Variants in JAKMIP1 observed in about 807,000 individuals in gnomAD.
JAKMIP1 encodes the protein janus kinase and microtubule-interacting protein 1.
In JAKMIP1, 33 loss-of-function variants were observed where a neutral mutation model predicts 113.0. That is an observed-to-expected ratio of 0.29 (90% CI 0.22 to 0.39). The LOEUF (loss-of-function observed/expected upper bound fraction) is 0.39. JAKMIP1 is among the 10% of genes least tolerant of loss of function. The pLI is 1.00. For synonymous variants in JAKMIP1, 480 were observed against 459.9 expected (o/e 1.04, Z -0.56); for missense variants, 813 against 1,080.5 (o/e 0.75, Z 3.47).
chr4:6,130,775 A>G (rs1288752364), intron 1 of JAKMIP1, among the ~76,000 whole-genome samples: 2 of 152,182 alleles, frequency 1.3e-5, no homozygotes, highest in Non-Finnish European at 2.9e-5. Flanking sequence ...TAGACCGAAC[A>G]CAGCTGAAGG....
chr4:6,118,553 C>T (rs949740783), intron 1 of JAKMIP1, among the ~76,000 whole-genome samples: 1 of 152,156 alleles, frequency 6.6e-6, no homozygotes, highest in Non-Finnish European at 1.5e-5. Context: ...AGGCTCTTGG[C>T]CTGACCCCAC....
At position 6,188,809 on chromosome 4, in the gene JAKMIP1, A is replaced by G. The variant is rs1394938198; in HGVS notation, c.-148+11444T>C. On this transcript the variant is annotated intron_variant, in intron 1 of 20. Transcript: ENST00000409021. The surrounding 1 kb of genome is among the most constrained non-coding windows in gnomAD (Gnocchi z 5.8). ...CTCTGCAATACACAGGCTCTCACAG[A>G]CTTGGTTCATCCTGGGTGCCTATGG... 1.3e-5 allele frequency among the ~76,000 whole-genome samples: 2 copies of G among 152,176 alleles called. No individual in the cohort carries two copies. The highest frequency in any genetic ancestry group is 2.9e-5 in the Non-Finnish European group (2 of 68,034).
At position 6,059,411 on chromosome 4, in the gene JAKMIP1, C is replaced by A. The variant is rs1246898843; in HGVS notation, c.1644+1013G>T. Reference sequence around the variant, plus strand: ...CTGTTAAGCCGCCTGGAACCTCTTACACCCCTTGCTTCACACCCGCCTCCT... The same window carrying A: ...CTGTTAAGCCGCCTGGAACCTCTTAAACCCCTTGCTTCACACCCGCCTCCT... On this transcript the variant is annotated intron_variant, in intron 11 of 20. Coordinates refer to ENST00000409021, the MANE Select transcript of JAKMIP1 (RefSeq NM_001099433.2). This position sits in a 1 kb window ranked among gnomAD's most constrained non-coding sequence, Gnocchi z 4.8. 6.6e-6 allele frequency among the ~76,000 whole-genome samples: 1 copy of A among 152,138 alleles called. No individual in the cohort carries two copies. The highest frequency in any genetic ancestry group is 1.5e-5 in the Non-Finnish European group (1 of 68,012).
chr4:6,050,543 T>TG lies in JAKMIP1; in HGVS notation c.1908+34dup. ...GCCGGGCACTGAGCGAGCCCTTGGC[T>TG]GGCATTCAGCAGAGGCACCCCCCAG... On this transcript the variant is annotated intron_variant, in intron 14 of 20. Transcript: ENST00000409021. The surrounding 1 kb of genome is among the most constrained non-coding windows in gnomAD (Gnocchi z 7.4). 6.8e-7 allele frequency: 1 copy of TG among 1,476,302 alleles called. No individual in the cohort carries two copies. The highest frequency in any genetic ancestry group is 9.3e-7 in the Non-Finnish European group (1 of 1,079,208). The allele number at this position is 1,476,302 out of a possible 1,614,324, so 91.5% of individuals were successfully genotyped here.
Position 6,029,845 on chromosome 4 carries a change from A to G in JAKMIP1, c.2380-64T>C, listed in dbSNP as rs1163163161. The G allele has an allele frequency of 2.6e-6, 3 of 1,161,810 alleles. No individual in the cohort carries two copies. The African/African-American group carries it at 4.6e-5, about 18-fold the overall frequency. 72.0% of individuals were successfully genotyped at this position (1,161,810 alleles called of 1,614,324 possible). ...TTCCAGGTTTAAAAACTCTGTTTTT[A>G]TTTTTTATTGTGGTCTAGCACAGAA... On this transcript the variant is annotated intron_variant, in intron 19 of 20. Transcript: ENST00000409021.
chr4:6,030,356 G>A (rs1266719899), intron 19 of JAKMIP1, among the ~76,000 whole-genome samples: 1 of 152,096 alleles, frequency 6.6e-6, no homozygotes, highest in Non-Finnish European at 1.5e-5. Flanking sequence ...GTGACCGACA[G>A]ACCCGGTTTG....
chr4:6,068,215 C>G (rs1718448203), intron 8 of JAKMIP1, among the ~76,000 whole-genome samples: 1 of 152,178 alleles, frequency 6.6e-6, no homozygotes, highest in Admixed American at 6.5e-5. Flanking sequence ...ACTCAACTCC[C>G]AAGCCCTAAT....
intron 2 of JAKMIP1, among the ~76,000 whole-genome samples, chr4:6,111,993 C>T (rs2108888544): frequency 6.6e-6 from 1 of 152,308 alleles, no homozygotes; most frequent in East Asian, 1.9e-4. Flanking sequence ...CAAAGTTAAC[C>T]TGAAAAGCTA....
chr4:6,124,109 T>C (rs575912976), intron 1 of JAKMIP1, among the ~76,000 whole-genome samples: 1 of 152,264 alleles, frequency 6.6e-6, no homozygotes, highest in South Asian at 2.1e-4. Flanking sequence ...CTGCCACCAT[T>C]CCCGCCATGG....
chr4:6,100,848 T>G (rs1712896805), intron 3 of JAKMIP1, among the ~76,000 whole-genome samples: 1 of 152,184 alleles, frequency 6.6e-6, no homozygotes, highest in African/African-American at 2.4e-5. Context: ...TTCACATATT[T>G]GTTAGTCATT....
Position 6,167,399 on chromosome 4 carries a change from C to T in JAKMIP1, c.-148+32854G>A, listed in dbSNP as rs1482456082. On this transcript the variant is annotated intron_variant, in intron 1 of 20. Transcript: ENST00000409021. This position sits in a 1 kb window ranked among gnomAD's most constrained non-coding sequence, Gnocchi z 5.3. ...CCACCTCCTCACTCACCACCCTACC[C>T]TCAACTTCTCCTCCTCCACCCTGGG... Among the ~76,000 whole-genome samples, 1 of 152,114 alleles carries T rather than the reference C, an allele frequency of 6.6e-6. No individual in the cohort carries two copies. The highest frequency in any genetic ancestry group is 2.4e-5 in the African/African-American group (1 of 41,424).
chr4:6,042,012 A>G lies in JAKMIP1; in HGVS notation c.2097+147T>C. The G allele has an allele frequency of 1.6e-6, 1 of 642,486 alleles. No homozygotes were observed. The highest frequency in any genetic ancestry group is 2.8e-6 in the Non-Finnish European group (1 of 359,798). The allele number at this position is 642,486 out of a possible 1,614,324, so 39.8% of individuals were successfully genotyped here. The stretch of plus-strand genomic sequence containing the variant: ...GTGAAAGAGTAAGTAAATGGGTGAC[A>G]ATTACTTAGAACAACCACTGGGGCA... On this transcript the variant is annotated intron_variant, in intron 17 of 20. Transcript: ENST00000409021. This position sits in a 1 kb window ranked among gnomAD's most constrained non-coding sequence, Gnocchi z 5.2.
rs1325579954 is a variant in JAKMIP1 at position 6,078,952 on chromosome 4, A to T, written c.1289T>A (p.Leu430Gln). The T allele has an allele frequency of 1.9e-6, 3 of 1,614,206 alleles. No homozygotes were observed. Among genetic ancestry groups the T allele is most frequent in the Non-Finnish European group, 1.7e-6 (2 of 1,180,036 alleles). ...LRSKRHRGKS[L>Q]KPPKKHVVET... The stretch of plus-strand genomic sequence containing the variant: ...TCGCAGGCTCACCTTGGGCGGTTTC[A>T]GACTTTTCCCTCGATGCCTTTTGGA... Residue 430 changes from leucine to glutamine, a missense_variant, in exon 8 of 21, where the codon CTG becomes CAG. Leu to Gln is a moderately radical substitution (Grantham distance 113). Around this residue, in one of 2 missense-constraint regions of JAKMIP1, gnomAD observed 540 missense variants for 653.9 expected, o/e 0.83. Transcript: ENST00000409021.
At chr4:6,196,093 G>A (rs576120278) in intron 1 of JAKMIP1, among the ~76,000 whole-genome samples, 76 of 152,300 alleles carry the variant, frequency 5.0e-4, no homozygotes, top group African/African-American at 1.8e-3. Flanking sequence ...TCAAAGGCAG[G>A]AGGGATGCCC....
At chr4:6,144,355 G>C (rs561669491) in intron 1 of JAKMIP1, among the ~76,000 whole-genome samples, 1 of 152,184 alleles carries the variant, frequency 6.6e-6, no homozygotes, top group Admixed American at 6.5e-5. Flanking sequence ...AAAAGTAAAA[G>C]TGCAAAGAAC....
intron 5 of JAKMIP1, among the ~76,000 whole-genome samples, chr4:6,083,743 C>A (rs1720911297): frequency 6.6e-6 from 1 of 151,840 alleles, no homozygotes; most frequent in African/African-American, 2.4e-5. Flanking sequence ...TACTTCTCTT[C>A]ATAATAAAAA....
chr4:6,181,880 G>A lies in JAKMIP1; in HGVS notation c.-148+18373C>T, dbSNP rs1726065490. Among the ~76,000 whole-genome samples the A allele has an allele frequency of 6.6e-6, 1 of 152,126 alleles. No homozygotes were observed. The highest frequency in any genetic ancestry group is 2.4e-5 in the African/African-American group (1 of 41,434). ...GTGACCATGGCTGTGACAGACAGATGTACAGGGAGGGACCCGCCCTGGCCT... is the reference window on the plus strand; with the variant it reads ...GTGACCATGGCTGTGACAGACAGATATACAGGGAGGGACCCGCCCTGGCCT... On this transcript the variant is annotated intron_variant, in intron 1 of 20. Transcript: ENST00000409021. This position sits in a 1 kb window ranked among gnomAD's most constrained non-coding sequence, Gnocchi z 5.4.
Position 6,088,533 on chromosome 4 carries a change from G to A in JAKMIP1, c.625-2904C>T, listed in dbSNP as rs909129580. 6.6e-6 allele frequency among the ~76,000 whole-genome samples: 1 copy of A among 152,200 alleles called. No individual in the cohort carries two copies. The highest frequency in any genetic ancestry group is 1.5e-5 in the Non-Finnish European group (1 of 68,030). On this transcript the variant is annotated intron_variant, in intron 3 of 20. Transcript: ENST00000409021. This position sits in a 1 kb window ranked among gnomAD's most constrained non-coding sequence, Gnocchi z 5.5. ...CCCTTGTCCTAGTAAGTGAGACAGA[G>A]GGCTTCTGCCCCAGTCATCACAAGA...
Position 6,105,977 on chromosome 4 carries a change from G to C in JAKMIP1, c.130-10C>G, listed in dbSNP as rs768060965. On this transcript the variant is annotated splice_polypyrimidine_tract_variant and intron_variant, in intron 2 of 20. Transcript: ENST00000409021. The stretch of plus-strand genomic sequence containing the variant: ...CGCGCAGTTTGCCCACCTGCAGCCA[G>C]AGCGGCGAGAGAGCCGGTCAGGGTC... 4 of 1,553,562 alleles carry C rather than the reference G, an allele frequency of 2.6e-6. No individual in the cohort carries two copies. Among genetic ancestry groups the C allele is most frequent in the Non-Finnish European group, 3.5e-6 (4 of 1,143,158 alleles).
Sources: gnomAD v4.1 joint callset for allele counts (sites outside exome capture counted in the v4.1 genomes callset) on GRCh38, gnomAD v4.1.1 for gene constraint, gnomAD v4.1.1 regional missense constraint, Gnocchi (gnomAD v3.1) non-coding constraint, MANE v1.5 for transcripts, NCBI Gene and HGNC (gene_info 2026-07-23, HGNC 2026-07-21) for gene names.